LRRIQ1: variants seen among roughly 807,000 people sequenced by gnomAD.
LRRIQ1 encodes leucine-rich repeat- and IQ domain-containing protein 1.
Under a neutral mutation model 211.9 loss-of-function variants are expected in LRRIQ1, and 210 were observed. The observed-to-expected ratio is 0.99, with a 90% CI of 0.89 to 1.11. LRRIQ1 has a LOEUF of 1.11. Among genes scored for constraint, LRRIQ1 ranks in the 50% most tolerant of loss-of-function variants. The pLI is 0.00. For missense variants in LRRIQ1, 2,136 were observed against 1,939.5 expected, an observed-to-expected ratio of 1.10 and a Z score of -1.90; for synonymous variants, 699 against 650.1, an observed-to-expected ratio of 1.08 and a Z score of -1.14.
intron 24 of LRRIQ1, among the ~76,000 whole-genome samples, chr12:85,205,188 G>T (rs1227879336): frequency 2.0e-5 from 3 of 152,134 alleles, no homozygotes; most frequent in Non-Finnish European, 4.4e-5. Context: ...CTTCCTCCAT[G>T]ATTGTGAGGC....
chr12:85,215,420 G>A (rs1894032979), intron 24 of LRRIQ1, among the ~76,000 whole-genome samples: 1 of 151,978 alleles, frequency 6.6e-6, no homozygotes, highest in Admixed American at 6.6e-5. Context: ...GTGTCGTGGG[G>A]GTTTGTTGTA....
chr12:85,063,157 A>G (rs1592722514), intron 8 of LRRIQ1, among the ~76,000 whole-genome samples: 1 of 148,378 alleles, frequency 6.7e-6, no homozygotes, highest in Non-Finnish European at 1.5e-5. Context: ...TTGTCTGTTT[A>G]CTCTTTTAAT....
At chr12:85,077,619 A>C (rs10506911) in intron 11 of LRRIQ1, among the ~76,000 whole-genome samples, 3 of 152,062 alleles carry the variant, frequency 2.0e-5, no homozygotes, top group Admixed American at 2.0e-4. Flanking sequence ...TATTTTACTC[A>C]GTTGTCAGCC....
chr12:85,098,807 TTGG>T, intron 12 of LRRIQ1, 57 bp from the exon 13 acceptor site: 1 of 1,268,928 alleles, frequency 7.9e-7, no homozygotes, highest in Non-Finnish European at 1.1e-6. Context: ...TATTTTTTAA[TTGG>T]GCTAAATGAT....
chr12:85,199,458 T>C (rs990999085), intron 24 of LRRIQ1, among the ~76,000 whole-genome samples: 1 of 152,114 alleles, frequency 6.6e-6, no homozygotes, highest in African/African-American at 2.4e-5. Context: ...TTTGGCCCCA[T>C]TGGTCTGTGT....
At chr12:85,112,155 T>G (rs1047557949) in intron 15 of LRRIQ1, among the ~76,000 whole-genome samples, 2 of 151,986 alleles carry the variant, frequency 1.3e-5, no homozygotes, top group African/African-American at 4.8e-5. Flanking sequence ...AAATAAATAT[T>G]GTTCATTTTA....
chr12:85,195,664 T>C, intron 24 of LRRIQ1, among the ~76,000 whole-genome samples: 1 of 151,094 alleles, frequency 6.6e-6, no homozygotes, highest in Non-Finnish European at 1.5e-5. Flanking sequence ...TAGGTATTGA[T>C]GGGACGTATT....
chr12:85,199,816 G>A lies in LRRIQ1; in HGVS notation c.4823-29701G>A, dbSNP rs551842036. Among the ~76,000 whole-genome samples, 145 of 152,166 alleles carry A rather than the reference G, an allele frequency of 9.5e-4. 2 individuals carry two copies. The highest frequency in any genetic ancestry group is 2.8e-3 in the African/African-American group (117 of 41,528). On this transcript the variant is annotated intron_variant, in intron 24 of 26. Transcript: ENST00000393217. ...GATTTGATTACCTCCACCTGGTACCGCCCTTGAAACATGGGAATTATGGGG... is the reference window on the plus strand; with the variant it reads ...GATTTGATTACCTCCACCTGGTACCACCCTTGAAACATGGGAATTATGGGG...
chr12:85,217,558 GTA>G (rs1179595600), intron 24 of LRRIQ1, among the ~76,000 whole-genome samples: 4 of 79,758 alleles, frequency 5.0e-5, no homozygotes, highest in South Asian at 7.2e-4. Context: ...GTGTATATAG[GTA>G]TATATATGTG....
chr12:85,166,547 G>A (rs573494682), intron 24 of LRRIQ1, among the ~76,000 whole-genome samples: 22 of 152,200 alleles, frequency 1.4e-4, no homozygotes, highest in African/African-American at 5.3e-4. Context: ...AGAATTATAA[G>A]CATTTTCTCC....
rs773075061 is a variant in LRRIQ1, at chr12:85,121,860, T to G, written c.3541T>G (p.Tyr1181Asp). ...IREFNLLIEN[Y>D]ITGKGDVFTL... is the part of the protein sequence containing the mutation. ...AGAATTCAACTTGCTAATTGAAAAT[T>G]ATATAACTGGAAAAGGGTAAGATTG... Residue 1181 changes from tyrosine to aspartate, a missense_variant, in exon 16 of 27, where the codon TAT becomes GAT. By Grantham distance (160) the Tyr-to-Asp change is radical. Transcript: ENST00000393217. 1.2e-6 allele frequency: 2 copies of G among 1,604,740 alleles called. No individual in the cohort carries two copies. The highest frequency in any genetic ancestry group is 2.2e-5 in the South Asian group (2 of 89,170).
chr12:85,091,941 C>T (rs1885436324), intron 11 of LRRIQ1, among the ~76,000 whole-genome samples: 1 of 152,132 alleles, frequency 6.6e-6, no homozygotes, highest in African/African-American at 2.4e-5. Flanking sequence ...GTGAGTGAAT[C>T]TTTGTCTGTA....
rs796610974 is a variant in LRRIQ1 at position 85,207,994 on chromosome 12, G to A, written c.4823-21523G>A. On this transcript the variant is annotated intron_variant, in intron 24 of 26. Transcript: ENST00000393217. ...TATGAAATATAGGTTCCTTTTTAGA[G>A]TAGTAACTTTCCTCTCATGTTCCTT... 7.2e-4 allele frequency among the ~76,000 whole-genome samples: 107 copies of A among 149,584 alleles called. 1 individual carries two copies. Among genetic ancestry groups the A allele is most frequent in the African/African-American group, 2.6e-3 (103 of 39,582 alleles).
intron 24 of LRRIQ1, among the ~76,000 whole-genome samples, chr12:85,217,578 A>G (rs1335653308): frequency 1.2e-5 from 1 of 86,544 alleles, no homozygotes; most frequent in African/African-American, 1.5e-4. Context: ...GTGTGTATAC[A>G]TATGTATATA....
At chr12:85,125,277 A>G (rs1030400020) in intron 17 of LRRIQ1, among the ~76,000 whole-genome samples, 16 of 152,348 alleles carry the variant, frequency 1.1e-4, no homozygotes, top group African/African-American at 3.6e-4. Flanking sequence ...GCATCTTTGC[A>G]CATATTTGAA....
Position 85,047,423 on chromosome 12 carries a change from A to T in LRRIQ1, c.631A>T (p.Met211Leu). 1 of 1,613,382 alleles carries T rather than the reference A, an allele frequency of 6.2e-7. No individual in the cohort carries two copies. The part of the protein sequence containing the change: ...QEEEEKRHCW[M>L]KQFKVEKKKL... The stretch of plus-strand genomic sequence containing the variant: ...AGAAGAAGAAAAGCGACATTGCTGG[A>T]TGAAACAATTTAAAGTTGAAAAGAA... Residue 211 changes from methionine (M) to leucine (L), a missense_variant, in exon 6 of 27, where the codon ATG (methionine) becomes TTG (leucine). Physicochemically the swap from Met to Leu is conservative, Grantham distance 15. Coordinates refer to ENST00000393217, the MANE Select transcript of LRRIQ1 (RefSeq NM_001079910.2).
intron 24 of LRRIQ1, among the ~76,000 whole-genome samples, chr12:85,184,663 G>T (rs1254946480): frequency 1.3e-5 from 2 of 151,862 alleles, no homozygotes; most frequent in Admixed American, 1.3e-4. Flanking sequence ...CCTTACAAGT[G>T]CATTTTGCTG....
In LRRIQ1 at chr12:85,124,246, A is replaced by C. The variant is rs1888197750; in HGVS notation, c.3734A>C (p.Gln1245Pro). The C allele has an allele frequency of 1.9e-6, 3 of 1,614,162 alleles. No homozygotes were observed. Among genetic ancestry groups the C allele is most frequent in the African/African-American group, 2.7e-5 (2 of 75,058 alleles). ...LAPTNSDSTL[Q>P]NGVFYSCARE... ...CCTACAAACAGTGACAGCACTCTGC[A>C]AAATGGAGTCTTCTACTCTTGTGCA... is the stretch of plus-strand genomic sequence containing the variant. The change falls in exon 17 of 27, where the codon CAA becomes CCA. Residue 1245 changes from glutamine to proline, a missense_variant. Gln to Pro is a moderately conservative substitution (Grantham distance 76). Transcript: ENST00000393217.
chr12:85,042,454 A>G (rs1314859451), intron 3 of LRRIQ1, among the ~76,000 whole-genome samples: 1 of 148,190 alleles, frequency 6.7e-6, no homozygotes, highest in Non-Finnish European at 1.5e-5. Context: ...TTATTAAATT[A>G]AAATAATTGT....
Sources: allele counts gnomAD v4.1 joint callset (sites outside exome capture counted in the v4.1 genomes callset), GRCh38; gene constraint gnomAD v4.1.1; transcripts MANE v1.5; gene names NCBI Gene and HGNC (gene_info 2026-07-23, HGNC 2026-07-21).